The following SYN3 variants were observed in gnomAD, a reference collection of about 807,000 sequenced individuals.
The protein encoded by SYN3 is synapsin III, also known as synapsin-3.
In SYN3, 35 loss-of-function variants were observed where a neutral mutation model predicts 65.8. The ratio of observed to expected loss-of-function variants is 0.53; its 90% CI spans 0.41 to 0.70. The LOEUF (loss-of-function observed/expected upper bound fraction) is 0.70. SYN3 is among the 30% of genes least tolerant of loss of function. SYN3 has a pLI of 0.00. For missense variants in SYN3, 680 were observed against 749.0 expected, an observed-to-expected ratio of 0.91 and a Z score of 1.08; for synonymous variants, 270 against 292.9, an observed-to-expected ratio of 0.92 and a Z score of 0.80.
intron 7 of SYN3, among the ~76,000 whole-genome samples, chr22:32,553,551 A>G (rs1255748800): frequency 1.3e-5 from 2 of 152,228 alleles, no homozygotes; most frequent in African/African-American, 2.4e-5. Flanking sequence ...CAAGAAGACA[A>G]AGTTGCTATT....
intron 1 of SYN3, among the ~76,000 whole-genome samples, chr22:33,035,343 CCG>C (rs1491278898): frequency 3.7e-5 from 4 of 109,014 alleles, no homozygotes; most frequent in Middle Eastern, 3.9e-3. Context: ...CCCCCCCCCC[CCG>C]CCACCAAACT....
At chr22:32,814,107 CGTGT>C (rs130279) in intron 6 of SYN3, among the ~76,000 whole-genome samples, 2,575 of 97,642 alleles carry the variant, frequency 0.026, 107 homozygotes, top group African/African-American at 0.09. Context: ...AGGCAATACT[CGTGT>C]GTGTGTGTGT....
intron 6 of SYN3, 75 bp downstream of exon 6, chr22:32,864,840 C>T: frequency 7.2e-7 from 1 of 1,390,700 alleles, no homozygotes; most frequent in Non-Finnish European, 1.0e-6. Flanking sequence ...CCTCCTCCAT[C>T]CAAAGAGACC....
chr22:32,514,634 G>A (rs920898570), intron 13 of SYN3: 2 of 152,270 alleles, frequency 1.3e-5, no homozygotes, highest in African/African-American at 4.8e-5. Flanking sequence ...TCAGTCATAG[G>A]AGGGGAGGCA....
chr22:32,587,203 C>T (rs2059058116), intron 7 of SYN3, among the ~76,000 whole-genome samples: 1 of 116,374 alleles, frequency 8.6e-6, no homozygotes, highest in Non-Finnish European at 1.7e-5. Flanking sequence ...GCCTGGGTGA[C>T]AGAGCAAAGC....
chr22:32,560,069 A>G (rs542502808), intron 7 of SYN3, among the ~76,000 whole-genome samples: 4 of 152,348 alleles, frequency 2.6e-5, no homozygotes, highest in Admixed American at 1.3e-4. Flanking sequence ...GCCCCTCCCA[A>G]GTGCTGGCAG....
chr22:32,552,916 A>C (rs2058438235), intron 7 of SYN3, among the ~76,000 whole-genome samples: 1 of 152,238 alleles, frequency 6.6e-6, no homozygotes, highest in Non-Finnish European at 1.5e-5. Flanking sequence ...CTTAAACAGC[A>C]GACATTTATT....
At chr22:32,661,474 A>C (rs2147004791) in intron 6 of SYN3, among the ~76,000 whole-genome samples, 1 of 152,354 alleles carries the variant, frequency 6.6e-6, no homozygotes, top group East Asian at 1.9e-4. Flanking sequence ...GAAGCCGAGA[A>C]TTCCAAAGCT....
chr22:32,843,376 G>A lies in SYN3; in HGVS notation c.711+21539C>T, dbSNP rs746491951. ...CTTGAATGGGTGAGCAGCTGGAAGA[G>A]TGAGAGAGCCTGGCTCTGCCCTCCT... On this transcript the variant is annotated intron_variant, in intron 6 of 13. Transcript: ENST00000358763. Among the ~76,000 whole-genome samples the A allele has an allele frequency of 5.3e-5, 8 of 152,240 alleles. No individual in the cohort carries two copies. In the South Asian group the frequency reaches 8.3e-4, roughly 16 times the overall value.
chr22:32,591,764 A>G (rs2059130619), intron 7 of SYN3, among the ~76,000 whole-genome samples: 1 of 152,164 alleles, frequency 6.6e-6, no homozygotes, highest in Admixed American at 6.5e-5. Flanking sequence ...TGCGGTCCAG[A>G]TACATTAAAT....
chr22:32,531,180 A>G (rs900969440), intron 10 of SYN3, among the ~76,000 whole-genome samples: 1 of 137,050 alleles, frequency 7.3e-6, no homozygotes, highest in Non-Finnish European at 1.6e-5. Context: ...AAAAAAAAAG[A>G]ATGTGAGTAC....
chr22:32,532,583 A>G (rs1009507650), intron 10 of SYN3, among the ~76,000 whole-genome samples: 1 of 152,174 alleles, frequency 6.6e-6, no homozygotes, highest in Admixed American at 6.5e-5. Context: ...TGGGGAGGAG[A>G]GAGGGGCTGT....
intron 6 of SYN3, among the ~76,000 whole-genome samples, chr22:32,823,753 A>G (rs546954649): frequency 1.3e-5 from 2 of 152,014 alleles, no homozygotes; most frequent in Non-Finnish European, 2.9e-5. Flanking sequence ...ACTTGGAGTG[A>G]AAAGACGTGG....
chr22:32,915,467 T>C (rs1457547664), intron 4 of SYN3, among the ~76,000 whole-genome samples: 5 of 151,802 alleles, frequency 3.3e-5, no homozygotes, highest in African/African-American at 1.2e-4. Context: ...TAAAGCAGGA[T>C]GACGGTATAG....
At chr22:33,008,970 GAGAGAAAAGAAAA>G (rs1487474558) in intron 1 of SYN3, among the ~76,000 whole-genome samples, 151 of 98,788 alleles carry the variant, frequency 1.5e-3, no homozygotes, top group South Asian at 6.0e-3. Flanking sequence ...AAAAGAGAGA[GAGAGAAAAGAAAA>G]AGAAAAAAGA....
At chr22:32,592,263 C>T (rs1435558267) in intron 7 of SYN3, among the ~76,000 whole-genome samples, 2 of 152,200 alleles carry the variant, frequency 1.3e-5, no homozygotes, top group African/African-American at 4.8e-5. Context: ...GTACTACCCC[C>T]TCACTGTCCC....
intron 3 of SYN3, among the ~76,000 whole-genome samples, chr22:32,948,000 C>T (rs1361907893): frequency 3.9e-5 from 6 of 152,164 alleles, no homozygotes; most frequent in Non-Finnish European, 8.8e-5. Context: ...GTCCTCGTTT[C>T]CTGGGAGAGA....
chr22:32,671,049 C>A (rs2060354283), intron 6 of SYN3, among the ~76,000 whole-genome samples: 1 of 152,216 alleles, frequency 6.6e-6, no homozygotes, highest in South Asian at 2.1e-4. Context: ...GGCTATTTGG[C>A]ACATCTCTTT....
At chr22:32,684,926 G>A (rs1215000752) in intron 6 of SYN3, among the ~76,000 whole-genome samples, 1 of 152,144 alleles carries the variant, frequency 6.6e-6, no homozygotes, top group East Asian at 1.9e-4. Flanking sequence ...AAGATTGTTG[G>A]GAGGACGAAA....
Sources: gnomAD v4.1 joint callset for allele counts (sites outside exome capture counted in the v4.1 genomes callset) on GRCh38, gnomAD v4.1.1 for gene constraint, MANE v1.5 for transcripts, NCBI Gene and HGNC (gene_info 2026-07-23, HGNC 2026-07-21) for gene names.